Variants in PDS5A observed in about 807,000 individuals in gnomAD.
PDS5A encodes PDS5 cohesin associated factor A.
PDS5A carries 42 observed loss-of-function variants against 167.1 expected under a neutral mutation model. That is an observed-to-expected ratio of 0.25 (90% CI 0.20 to 0.33). The LOEUF is 0.33. PDS5A is among the 10% of genes least tolerant of loss of function. The pLI is 1.00. For synonymous variants in PDS5A, 553 were observed against 554.6 expected, an observed-to-expected ratio of 1.00 and a Z score of 0.04; for missense variants, 1,033 against 1,605.9, an observed-to-expected ratio of 0.64 and a Z score of 6.10.
intron 5 of PDS5A, 29 bp downstream of exon 5, chr4:39,925,807 C>T (rs1725404787): frequency 2.3e-6 from 2 of 866,442 alleles, no homozygotes; most frequent in Admixed American, 2.6e-5. Flanking sequence ...GAAAAAGAGA[C>T]AAACAGAAAT....
At chr4:39,905,295 C>A (rs1560470380) in intron 11 of PDS5A, among the ~76,000 whole-genome samples, 4 of 152,176 alleles carry the variant, frequency 2.6e-5, no homozygotes, top group Admixed American at 2.6e-4. Context: ...TGGTGGCTCA[C>A]ACCTGTAACC....
intron 2 of PDS5A, chr4:39,973,699 T>C (rs2109831557): frequency 7.8e-7 from 1 of 1,287,570 alleles, no homozygotes; most frequent in Middle Eastern, 1.9e-4. Flanking sequence ...CAAAGAAGAG[T>C]GCCAGGCTCA....
chr4:39,878,828 C>T (rs1720696490), intron 18 of PDS5A, among the ~76,000 whole-genome samples: 1 of 152,040 alleles, frequency 6.6e-6, no homozygotes, highest in Non-Finnish European at 1.5e-5. Context: ...ACTGCAACCT[C>T]CACCTCCTGG....
intron 27 of PDS5A, 64 bp downstream of exon 27, chr4:39,849,456 A>C (rs79785062): frequency 1.7e-5 from 19 of 1,142,898 alleles, no homozygotes; most frequent in Non-Finnish European, 2.1e-5. Context: ...AAAAAAAAAA[A>C]CCAAGTGGGA....
chr4:39,894,851 C>T (rs916767734), intron 16 of PDS5A, among the ~76,000 whole-genome samples: 1 of 152,030 alleles, frequency 6.6e-6, no homozygotes, highest in Non-Finnish European at 1.5e-5. Context: ...GTGCAGGGCC[C>T]TTATACAGAG....
chr4:39,882,701 G>C (rs972510588), intron 17 of PDS5A, among the ~76,000 whole-genome samples: 2 of 152,176 alleles, frequency 1.3e-5, no homozygotes, highest in African/African-American at 2.4e-5. Flanking sequence ...TCATTGTAAT[G>C]TTGGTAATCA....
Position 39,906,397 on chromosome 4 carries a change from C to T in PDS5A, c.1233+1998G>A, listed in dbSNP as rs150287205. On this transcript the variant is annotated intron_variant, in intron 11 of 32. Transcript: ENST00000303538. ...AAAAAAAAAAAACCTTAGTGATCACCGTAAGTGAACTTCCTTACGTTGCAA... is the reference window on the plus strand; with the variant it reads ...AAAAAAAAAAAACCTTAGTGATCACTGTAAGTGAACTTCCTTACGTTGCAA... 6.2e-3 allele frequency among the ~76,000 whole-genome samples: 948 copies of T among 151,802 alleles called. 10 individuals carry two copies. The highest frequency in any genetic ancestry group is 0.019 in the African/African-American group (782 of 41,410).
intron 2 of PDS5A, among the ~76,000 whole-genome samples, chr4:39,947,752 C>A (rs546125842): frequency 1.2e-4 from 18 of 152,170 alleles, no homozygotes; most frequent in African/African-American, 4.1e-4. Flanking sequence ...TTATAAGAAC[C>A]CACTTTTTGG....
chr4:39,862,903 G>C lies in PDS5A; in HGVS notation c.2937C>G (p.Arg979=). The change falls in exon 25 of 33, where the codon CGC becomes CGG. Residue 979 remains arginine, a synonymous_variant. Transcript: ENST00000303538. ...RQCLLKNISI[R]REYIKQNPMA... Reference sequence around the variant, plus strand: ...TAGGATTCTGCTTAATGTATTCCCTGCGTATACTGATATTTTTCAGTAAAC... The same window carrying C: ...TAGGATTCTGCTTAATGTATTCCCTCCGTATACTGATATTTTTCAGTAAAC... 1 of 1,610,800 alleles carries C rather than the reference G, an allele frequency of 6.2e-7. No homozygotes were observed. Among genetic ancestry groups the C allele is most frequent in the Non-Finnish European group, 8.5e-7 (1 of 1,179,022 alleles).
chr4:39,897,324 G>A (rs1472385471), intron 16 of PDS5A, among the ~76,000 whole-genome samples: 1 of 152,172 alleles, frequency 6.6e-6, no homozygotes, highest in Non-Finnish European at 1.5e-5. Context: ...GAACCCAGGA[G>A]GTGGAGGTTG....
At chr4:39,946,359 C>A (rs1041255732) in intron 2 of PDS5A, among the ~76,000 whole-genome samples, 1 of 151,902 alleles carries the variant, frequency 6.6e-6, no homozygotes, top group Non-Finnish European at 1.5e-5. Context: ...GGAAATTCCC[C>A]TACAGGCACG....
Position 39,824,913 on chromosome 4 carries a change from C to T in PDS5A, c.*572G>A, listed in dbSNP as rs1302242710. 1 of 152,574 alleles carries T rather than the reference C, an allele frequency of 6.6e-6. No individual in the cohort carries two copies. Among genetic ancestry groups the T allele is most frequent in the East Asian group, 1.9e-4 (1 of 5,202 alleles). The allele number at this position is 152,574 out of a possible 1,614,324, so 9.5% of individuals were successfully genotyped here. A position where few individuals can be genotyped will look rare whatever the true frequency, so the allele number is the denominator to read the frequency against. ...TAGCAGGGAACCGAAATCTGTACAT[C>T]TCATTTTTGCAGAAAAGTAGGCAGG... On this transcript the variant is annotated 3_prime_UTR_variant, in exon 33 of 33. Coordinates refer to ENST00000303538, the MANE Select transcript of PDS5A (RefSeq NM_001100399.2).
chr4:39,842,935 A>ATT (rs1428244946), intron 30 of PDS5A, among the ~76,000 whole-genome samples: 3 of 139,716 alleles, frequency 2.1e-5, no homozygotes, highest in African/African-American at 8.2e-5. Flanking sequence ...ATATATATAT[A>ATT]TATTTTAAGA....
chr4:39,973,529 T>C, intron 2 of PDS5A: 6 of 1,337,072 alleles, frequency 4.5e-6, no homozygotes, highest in Non-Finnish European at 5.4e-6. Flanking sequence ...TTTTCTCCAT[T>C]TGGTACAATC....
At chr4:39,939,394 G>A (rs920532282) in intron 2 of PDS5A, among the ~76,000 whole-genome samples, 4 of 152,176 alleles carry the variant, frequency 2.6e-5, no homozygotes, top group African/African-American at 7.2e-5. Flanking sequence ...TTGAACCTAG[G>A]AGGGTGAGGC....
chr4:39,955,696 T>A (rs184105918), intron 2 of PDS5A, among the ~76,000 whole-genome samples: 1 of 151,762 alleles, frequency 6.6e-6, no homozygotes, highest in African/African-American at 2.4e-5. Flanking sequence ...GGAGGGGAAG[T>A]CTTCCTGGGG....
intron 11 of PDS5A, among the ~76,000 whole-genome samples, chr4:39,906,836 AT>A (rs1382852085): frequency 6.9e-6 from 1 of 145,632 alleles, no homozygotes; most frequent in African/African-American, 2.6e-5. Flanking sequence ...TCATTTTCTC[AT>A]TTTTTAGGCC....
At chr4:39,837,104 T>C (rs1452227351) in intron 32 of PDS5A, 2 of 151,632 alleles carry the variant, frequency 1.3e-5, no homozygotes, top group East Asian at 3.9e-4. Flanking sequence ...AGTGTTGGGA[T>C]TACAGGCATG....
In PDS5A at chr4:39,973,587, T is replaced by A. The variant is rs575555179; in HGVS notation, c.138+2853A>T. 37 of 1,272,902 alleles carry A rather than the reference T, an allele frequency of 2.9e-5. 2 individuals carry two copies. The South Asian group carries it at 4.4e-4, about 15-fold the overall frequency. The allele number at this position is 1,272,902 out of a possible 1,614,324, so 78.9% of individuals were successfully genotyped here. A position where few individuals can be genotyped will look rare whatever the true frequency, so the allele number is the denominator to read the frequency against. On this transcript the variant is annotated intron_variant, in intron 2 of 32. Coordinates refer to ENST00000303538, the MANE Select transcript of PDS5A (RefSeq NM_001100399.2). ...AGGGTGGTCACAGCAAAGGGTTTGG[T>A]TTCGTATGTTTCTCCTTCCCGGAAG... is the stretch of plus-strand genomic sequence containing the variant.
Sources: gnomAD v4.1 joint callset for allele counts (sites outside exome capture counted in the v4.1 genomes callset) on GRCh38, gnomAD v4.1.1 for gene constraint, MANE v1.5 for transcripts, NCBI Gene and HGNC (gene_info 2026-07-23, HGNC 2026-07-21) for gene names.